Variants in G3BP2 observed in about 807,000 individuals in gnomAD.
G3BP2 encodes ras GTPase-activating protein-binding protein 2.
In G3BP2, 11 loss-of-function variants were observed where a neutral mutation model predicts 56.7. The ratio of observed to expected loss-of-function variants is 0.19; its 90% CI spans 0.12 to 0.32. The LOEUF is 0.32. G3BP2 is among the 10% of genes least tolerant of loss of function. G3BP2 has a pLI of 1.00. For synonymous variants in G3BP2, 165 were observed against 191.6 expected, an observed-to-expected ratio of 0.86 and a Z score of 1.15; for missense variants, 340 against 610.9, an observed-to-expected ratio of 0.56 and a Z score of 4.67.
intron 1 of G3BP2, among the ~76,000 whole-genome samples, chr4:75,670,774 G>C (rs1170703267): frequency 6.6e-6 from 1 of 151,976 alleles, no homozygotes; most frequent in Non-Finnish European, 1.5e-5. Context: ...AAAGAAAGAG[G>C]ATTTGAAATC....
chr4:75,672,840 C>T, intron 1 of G3BP2: 1 of 191,042 alleles, frequency 5.2e-6, no homozygotes, highest in Non-Finnish European at 9.7e-6. Flanking sequence ...AGAAAGCCTG[C>T]TCCCACACTT....
At chr4:75,679,095 TA>T (rs1733979757) in intron 3 of G3BP2, among the ~76,000 whole-genome samples, 1 of 152,222 alleles carries the variant, frequency 6.6e-6, no homozygotes, top group Admixed American at 6.5e-5. Flanking sequence ...TGCACAAGGC[TA>T]AAAATGGCCA....
At chr4:75,658,564 C>T (rs901860468) in intron 3 of G3BP2, among the ~76,000 whole-genome samples, 1 of 151,796 alleles carries the variant, frequency 6.6e-6, no homozygotes, top group Non-Finnish European at 1.5e-5. Flanking sequence ...CCCGTCTCTA[C>T]TAAAAATACA....
chr4:75,684,558 C>T (rs1183891355), intron 3 of G3BP2, among the ~76,000 whole-genome samples: 7 of 152,066 alleles, frequency 4.6e-5, no homozygotes, highest in Non-Finnish European at 8.8e-5. Context: ...CAGAGTCTGG[C>T]TATGTTGCCC....
In G3BP2 at chr4:75,657,657, G is replaced by C; in HGVS notation, c.251C>G (p.Ala84Gly). 2 of 1,611,588 alleles carry C rather than the reference G, an allele frequency of 1.2e-6. No individual in the cohort carries two copies. The highest frequency in any genetic ancestry group is 1.7e-6 in the Non-Finnish European group (2 of 1,177,698). ...HTKIRHVDAHATLSDGVVVQV... is the reference protein window; with the variant it reads ...HTKIRHVDAHGTLSDGVVVQV... ...GACAACTACTCCATCACTCAAGGTT[G>C]CATGAGCATCCACATGACGAATTTT... The change falls in exon 4 of 12, where the codon GCA becomes GGA. Residue 84 changes from alanine (A) to glycine (G), a missense_variant. Ala to Gly is a moderately conservative substitution (Grantham distance 60). Transcript: ENST00000359707.
intron 3 of G3BP2, among the ~76,000 whole-genome samples, chr4:75,717,164 C>T (rs567832994): frequency 2.0e-5 from 3 of 152,134 alleles, no homozygotes; most frequent in South Asian, 2.1e-4. Context: ...GAATTATGGC[C>T]GGGCATGGTG....
chr4:75,699,855 T>G (rs535613298), intron 3 of G3BP2, among the ~76,000 whole-genome samples: 1 of 152,292 alleles, frequency 6.6e-6, no homozygotes, highest in South Asian at 2.1e-4. Flanking sequence ...TCATAAAGAA[T>G]GTAGGAAATG....
intron 7 of G3BP2, chr4:75,654,799 T>C (rs1560614681): frequency 2.6e-6 from 1 of 380,064 alleles, no homozygotes; most frequent in African/African-American, 2.1e-5. Flanking sequence ...GCTCTATACA[T>C]GGATCCAAAT....
chr4:75,697,398 A>G (rs1719170216), intron 3 of G3BP2, among the ~76,000 whole-genome samples: 1 of 151,958 alleles, frequency 6.6e-6, no homozygotes. Flanking sequence ...ATAAAAGTAT[A>G]GATAAAATAA....
At position 75,716,205 on chromosome 4, in the gene G3BP2, T is replaced by C. The variant is rs566584394; in HGVS notation, c.-25+4672A>G. 7.2e-5 allele frequency among the ~76,000 whole-genome samples: 11 copies of C among 152,354 alleles called. No homozygotes were observed. The South Asian group carries it at 2.1e-3, about 29-fold the overall frequency. On this transcript the variant is annotated intron_variant, in intron 3 of 3. Coordinates refer to the G3BP2 transcript ENST00000499709. ...TTCCCCTGGAGACACAGTATTGCTCTGTCACTCAGGCTGGAGTGCAGTGGT... is the reference window on the plus strand; with the variant it reads ...TTCCCCTGGAGACACAGTATTGCTCCGTCACTCAGGCTGGAGTGCAGTGGT...
Position 75,673,241 on chromosome 4 carries a change from G to A in G3BP2, c.-58C>T, listed in dbSNP as rs1733651971. Reference sequence around the variant, plus strand: ...AACGGCGGCGGCGGGTACGTCGCGCGGAGGTCAGAAGAGTCGCTGAGGACC... The same window carrying A: ...AACGGCGGCGGCGGGTACGTCGCGCAGAGGTCAGAAGAGTCGCTGAGGACC... On this transcript the variant is annotated 5_prime_UTR_variant, in exon 1 of 12. Transcript: ENST00000359707. 6 of 1,219,374 alleles carry A rather than the reference G, an allele frequency of 4.9e-6. No homozygotes were observed. The highest frequency in any genetic ancestry group is 4.1e-6 in the Non-Finnish European group (4 of 980,320). The allele number at this position is 1,219,374 out of a possible 1,614,324, so 75.5% of individuals were successfully genotyped here.
At chr4:75,706,592 G>A (rs901187475) in intron 3 of G3BP2, among the ~76,000 whole-genome samples, 18 of 150,896 alleles carry the variant, frequency 1.2e-4, no homozygotes, top group Admixed American at 9.3e-4. Context: ...TAGTAGAATC[G>A]CTTGAACCTA....
chr4:75,689,803 T>C (rs1372567295), intron 3 of G3BP2, among the ~76,000 whole-genome samples: 2 of 152,222 alleles, frequency 1.3e-5, no homozygotes, highest in African/African-American at 2.4e-5. Context: ...GGCAATAATA[T>C]GCATAAATCC....
rs151028710 is a variant in G3BP2 at position 75,652,491 on chromosome 4, G to A, written c.825+1492C>T. Reference sequence around the variant, plus strand: ...ACAAAAATTAGCCAGGCGTGGTGGCGGGCACCTACAATCCCAGCTATTCGG... The same window carrying A: ...ACAAAAATTAGCCAGGCGTGGTGGCAGGCACCTACAATCCCAGCTATTCGG... On this transcript the variant is annotated intron_variant, in intron 8 of 11. Transcript: ENST00000359707. Among the ~76,000 whole-genome samples, 808 of 152,170 alleles carry A rather than the reference G, an allele frequency of 5.3e-3. 13 individuals carry two copies. Among genetic ancestry groups the A allele is most frequent in the African/African-American group, 0.018 (743 of 41,504 alleles).
At chr4:75,704,304 C>G (rs1719460122) in intron 3 of G3BP2, among the ~76,000 whole-genome samples, 1 of 151,608 alleles carries the variant, frequency 6.6e-6, no homozygotes, top group African/African-American at 2.4e-5. Context: ...GGCGTGAGCC[C>G]CCGCCGGACC....
intron 9 of G3BP2, 133 bp from the exon 10 acceptor site, chr4:75,647,290 A>G: frequency 1.8e-6 from 1 of 567,194 alleles, no homozygotes; most frequent in Non-Finnish European, 3.0e-6. Context: ...TTCTTGAAAA[A>G]GAGGCAAAAG....
intron 2 of G3BP2, among the ~76,000 whole-genome samples, chr4:75,661,071 A>C (rs980548291): frequency 1.3e-5 from 2 of 152,204 alleles, no homozygotes; most frequent in African/African-American, 4.8e-5. Context: ...AGAACTTTAA[A>C]AAAAAGATTT....
At chr4:75,677,873 G>A (rs1194944651), upstream of G3BP2, among the ~76,000 whole-genome samples, 2 of 152,200 alleles carry the variant, frequency 1.3e-5, no homozygotes, top group African/African-American at 4.8e-5. Flanking sequence ...AGTATTAAAA[G>A]GTGGGTGGGA....
At chr4:75,674,710 ATATATATATTTTTTTTT>A (rs1425526240), upstream of G3BP2, among the ~76,000 whole-genome samples, 32 of 47,864 alleles carry the variant, frequency 6.7e-4, 1 homozygote, top group South Asian at 4.4e-3. Flanking sequence ...ATATATATAT[ATATATATATTTTTTTTT>A]TTTTTTTTTT....
Sources: gnomAD v4.1 joint callset for allele counts (sites outside exome capture counted in the v4.1 genomes callset) on GRCh38, gnomAD v4.1.1 for gene constraint, MANE v1.5 for transcripts, NCBI Gene and HGNC (gene_info 2026-07-23, HGNC 2026-07-21) for gene names.